Variants in PBX3 observed in about 807,000 individuals in gnomAD.
PBX3 encodes PBX homeobox 3.
In PBX3, 14 loss-of-function variants were observed where a neutral mutation model predicts 48.5. That is an observed-to-expected ratio of 0.29 (90% CI 0.19 to 0.45). PBX3 has a LOEUF of 0.45. Among genes scored for constraint, PBX3 ranks in the 20% least tolerant of loss-of-function variants. The pLI is 1.00. For missense variants in PBX3, 386 were observed against 546.7 expected (o/e 0.71, Z 2.93); for synonymous variants, 210 against 200.3 (o/e 1.05, Z -0.41).
chr9:125,899,311 GTA>G (rs370052076), intron 2 of PBX3, among the ~76,000 whole-genome samples: 14 of 99,284 alleles, frequency 1.4e-4, no homozygotes, highest in Admixed American at 3.3e-4. Context: ...ATACATATAT[GTA>G]TATATTTTTA....
chr9:125,913,665 C>A (rs1014079875), intron 2 of PBX3, among the ~76,000 whole-genome samples: 2 of 152,002 alleles, frequency 1.3e-5, no homozygotes, highest in Admixed American at 1.3e-4. Flanking sequence ...GGAAGTTAAT[C>A]TGCTATTAAA....
intron 2 of PBX3, among the ~76,000 whole-genome samples, chr9:125,843,972 G>T (rs1265509854): frequency 2.0e-5 from 3 of 152,030 alleles, no homozygotes; most frequent in African/African-American, 7.2e-5. Flanking sequence ...AGATCAGAGA[G>T]CAGCAAAATC....
At chr9:125,779,166 C>T (rs1489467718) in intron 2 of PBX3, among the ~76,000 whole-genome samples, 1 of 142,678 alleles carries the variant, frequency 7.0e-6, no homozygotes, top group Non-Finnish European at 1.5e-5. Flanking sequence ...AATATTTGTC[C>T]TTTTGTGTCT....
chr9:125,768,852 G>A (rs1352838897), intron 2 of PBX3, among the ~76,000 whole-genome samples: 1 of 152,158 alleles, frequency 6.6e-6, no homozygotes, highest in African/African-American at 2.4e-5. Context: ...TTGCTTGAAA[G>A]CATGAATTTT....
rs555051178 is a variant in PBX3 at position 125,835,462 on chromosome 9, A to G, written c.275-80224A>G. ...GAATGGGAGAAAGTATTTGCAAGCT[A>G]TTTAATTGACAAGGGATTAATAACT... On this transcript the variant is annotated intron_variant, in intron 2 of 8. Coordinates refer to ENST00000373489, the MANE Select transcript of PBX3 (RefSeq NM_006195.6). Among the ~76,000 whole-genome samples the G allele has an allele frequency of 4.6e-5, 7 of 152,278 alleles. No homozygotes were observed. In the South Asian group the frequency reaches 1.5e-3, roughly 32 times the overall value.
intron 5 of PBX3, among the ~76,000 whole-genome samples, chr9:125,954,730 G>A (rs1201525000): frequency 1.3e-5 from 2 of 152,110 alleles, no homozygotes; most frequent in African/African-American, 4.8e-5. Flanking sequence ...GTAGAGACAA[G>A]GTTTCACCAT....
At chr9:125,760,491 AAAT>A (rs1836637127) in intron 2 of PBX3, among the ~76,000 whole-genome samples, 1 of 152,168 alleles carries the variant, frequency 6.6e-6, no homozygotes, top group African/African-American at 2.4e-5. Context: ...AGAATTTATA[AAAT>A]AATATTAGCA....
At chr9:125,835,548 G>A (rs1839108100) in intron 2 of PBX3, among the ~76,000 whole-genome samples, 2 of 152,048 alleles carry the variant, frequency 1.3e-5, no homozygotes, top group Non-Finnish European at 1.5e-5. Flanking sequence ...TTTTAAAATG[G>A]GCAAAAGATC....
At chr9:125,801,784 TACAC>T (rs755443165) in intron 2 of PBX3, among the ~76,000 whole-genome samples, 1 of 74,250 alleles carries the variant, frequency 1.3e-5, no homozygotes, top group Non-Finnish European at 2.7e-5. Flanking sequence ...TGAACATGTA[TACAC>T]ATACACACAC....
intron 2 of PBX3, among the ~76,000 whole-genome samples, chr9:125,783,884 C>T (rs374911802): frequency 1.1e-4 from 16 of 151,932 alleles, no homozygotes; most frequent in African/African-American, 3.9e-4. Flanking sequence ...GCCTATAATC[C>T]CAGCTACTCT....
chr9:125,835,774 A>G (rs563551547), intron 2 of PBX3, among the ~76,000 whole-genome samples: 14 of 152,216 alleles, frequency 9.2e-5, no homozygotes, highest in Admixed American at 2.6e-4. Flanking sequence ...TGCATTCACT[A>G]TGGAAAACAG....
intron 2 of PBX3, among the ~76,000 whole-genome samples, chr9:125,904,844 G>A (rs1841033154): frequency 6.6e-6 from 1 of 151,812 alleles, no homozygotes; most frequent in Non-Finnish European, 1.5e-5. Context: ...ATAATTTTCT[G>A]TAGAGACTGT....
At chr9:125,761,019 A>G (rs1261932591) in intron 2 of PBX3, among the ~76,000 whole-genome samples, 1 of 152,184 alleles carries the variant, frequency 6.6e-6, no homozygotes, top group East Asian at 1.9e-4. Flanking sequence ...AAACTCATCC[A>G]CCCACTGGAA....
chr9:125,896,623 A>G (rs576853106), intron 2 of PBX3, among the ~76,000 whole-genome samples: 2 of 152,196 alleles, frequency 1.3e-5, no homozygotes, highest in East Asian at 1.9e-4. Flanking sequence ...TCAACTGTAT[A>G]TAAGTAATCA....
intron 2 of PBX3, among the ~76,000 whole-genome samples, chr9:125,835,371 A>C (rs887521094): frequency 2.0e-4 from 31 of 152,288 alleles, no homozygotes; most frequent in Admixed American, 7.2e-4. Flanking sequence ...CCTAGAGTCT[A>C]TACTCTTAAC....
At chr9:125,791,900 A>G (rs1386945320) in intron 2 of PBX3, among the ~76,000 whole-genome samples, 1 of 152,022 alleles carries the variant, frequency 6.6e-6, no homozygotes, top group African/African-American at 2.4e-5. Context: ...AAAAAAAAAA[A>G]AAGTTTCCTT....
At chr9:125,818,636 A>G (rs573727835) in intron 2 of PBX3, among the ~76,000 whole-genome samples, 5 of 152,070 alleles carry the variant, frequency 3.3e-5, no homozygotes, top group South Asian at 4.1e-4. Flanking sequence ...GGCATGAGCC[A>G]CCACACCTGG....
At chr9:125,818,281 CT>C (rs1415803791) in intron 2 of PBX3, among the ~76,000 whole-genome samples, 1 of 151,152 alleles carries the variant, frequency 6.6e-6, no homozygotes, top group African/African-American at 2.4e-5. Context: ...AAAAACATTT[CT>C]TACTTAAGTT....
intron 3 of PBX3, among the ~76,000 whole-genome samples, chr9:125,925,710 T>C (rs1396781990): frequency 6.6e-6 from 1 of 152,212 alleles, no homozygotes; most frequent in Admixed American, 6.5e-5. Context: ...ATATTGTTGA[T>C]TAATTTCACC....
Sources: allele counts gnomAD v4.1 joint callset (sites outside exome capture counted in the v4.1 genomes callset), GRCh38; gene constraint gnomAD v4.1.1; transcripts MANE v1.5; gene names NCBI Gene and HGNC (gene_info 2026-07-23, HGNC 2026-07-21).